OR6C75: variants seen among roughly 807,000 people sequenced by gnomAD.
OR6C75 encodes olfactory receptor family 6 subfamily C member 75.
For synonymous variants in OR6C75, 149 were observed against 130.6 expected (o/e 1.14, Z -0.96); for missense variants, 380 against 368.0 (o/e 1.03, Z -0.27).
rs1191780616 is a variant in OR6C75, at chr12:55,369,022, T to A, written c.*2973T>A. ...TTGCTTTTATTAAGATTACAACAAG[T>A]AAGCAGAAATGCAAAAGTGAAAATC... On this transcript the variant is annotated 3_prime_UTR_variant, in exon 3 of 3. Coordinates refer to ENST00000641576, the MANE Select transcript of OR6C75 (RefSeq NM_001005497.2). 2 of 152,056 alleles carry A rather than the reference T, an allele frequency of 1.3e-5. No individual in the cohort carries two copies. The highest frequency in any genetic ancestry group is 1.5e-5 in the Non-Finnish European group (1 of 67,976). The allele number at this position is 152,056 out of a possible 1,614,324, so 9.4% of individuals were successfully genotyped here.
At position 55,365,834 on chromosome 12, in the gene OR6C75, C is replaced by T; in HGVS notation, c.724C>T (p.His242Tyr). Residue 242 changes from histidine to tyrosine, a missense_variant, in exon 3 of 3, where the codon CAT becomes TAT. Transcript: ENST00000641576. The stretch of plus-strand genomic sequence containing the variant: ...AAAAGCCTTTTCCACTTGCTCCTCC[C>T]ATATGATAGTTGTCTCCATCTCTTA... ...RKKAFSTCSS[H>Y]MIVVSISYSS... 6.2e-7 allele frequency: 1 copy of T among 1,613,694 alleles called. No homozygotes were observed. Among genetic ancestry groups the T allele is most frequent in the East Asian group, 2.2e-5 (1 of 44,866 alleles).
Position 55,366,106 on chromosome 12 carries a change from C to A in OR6C75, c.*57C>A. The A allele has an allele frequency of 2.0e-6, 2 of 1,004,634 alleles. No homozygotes were observed. Among genetic ancestry groups the A allele is most frequent in the Non-Finnish European group, 2.9e-6 (2 of 685,070 alleles). The allele number at this position is 1,004,634 out of a possible 1,614,324, so 62.2% of individuals were successfully genotyped here. ...GCAAAGCTGAATGAAAAACTCTCTACCCTTCTCTACATGAACTCTTTCTAA... is the reference window on the plus strand; with the variant it reads ...GCAAAGCTGAATGAAAAACTCTCTAACCTTCTCTACATGAACTCTTTCTAA... On this transcript the variant is annotated 3_prime_UTR_variant, in exon 3 of 3. Coordinates refer to ENST00000641576, the MANE Select transcript of OR6C75 (RefSeq NM_001005497.2).
In OR6C75 at chr12:55,365,570, A is replaced by T. The variant is rs1190667507; in HGVS notation, c.460A>T (p.Ile154Phe). Reference protein sequence around the residue: ...FSSWLAGFLIIFPPVMLLLQL... With the variant: ...FSSWLAGFLIFFPPVMLLLQL... ...CTCCTGGCTTGCAGGGTTTCTGATC[A>T]TCTTTCCACCAGTAATGCTTCTGCT... The change falls in exon 3 of 3, where the codon ATC (isoleucine) becomes TTC (phenylalanine). Residue 154 changes from isoleucine to phenylalanine, a missense_variant. Ile to Phe is a conservative substitution (Grantham distance 21). Coordinates refer to ENST00000641576, the MANE Select transcript of OR6C75 (RefSeq NM_001005497.2). 6.2e-7 allele frequency: 1 copy of T among 1,613,880 alleles called. No homozygotes were observed. Among genetic ancestry groups the T allele is most frequent in the Non-Finnish European group, 8.5e-7 (1 of 1,180,006 alleles).
At position 55,365,528 on chromosome 12, in the gene OR6C75, AC is replaced by A; in HGVS notation, c.421del (p.Leu141PhefsTer12). ...YTIIMSTRVC[T>X]LLVFSSWLAG... ...AATCATCATGAGCACCAGAGTGTGT[AC>A]CCTTCTTGTCTTTAGCTCCTGGCTT... On this transcript the variant is annotated frameshift_variant, in exon 3 of 3. Transcript: ENST00000641576. LOFTEE classifies it low-confidence loss of function (END_TRUNC). 6.2e-7 allele frequency: 1 copy of A among 1,613,896 alleles called. No individual in the cohort carries two copies. Among genetic ancestry groups the A allele is most frequent in the South Asian group, 1.1e-5 (1 of 91,064 alleles).
rs1295841082 is a variant in OR6C75, at chr12:55,365,130, T to C, written c.20T>C (p.Val7Ala). 6.2e-7 allele frequency: 1 copy of C among 1,610,988 alleles called. No homozygotes were observed. MRNSTA[V>A]TDFILLGLTS... ...AAAATAATGAGAAATTCCACAGCAG[T>C]AACAGACTTTATTCTTCTTGGATTG... The change falls in exon 3 of 3, where the codon GTA (valine) becomes GCA (alanine). Residue 7 changes from valine (V) to alanine (A), a missense_variant. Transcript: ENST00000641576.
chr12:55,364,342 T>TTTTTTTTTTTTTTGA (rs1869741119), intron 2 of OR6C75, among the ~76,000 whole-genome samples: 1 of 115,304 alleles, frequency 8.7e-6, no homozygotes, highest in Non-Finnish European at 1.7e-5. Flanking sequence ...TTTTTTTTTT[T>TTTTTTTTTTTTTTGA]GACACGGAAT....
At chr12:55,363,538 CTCAG>C (rs1869717404) in intron 1 of OR6C75, among the ~76,000 whole-genome samples, 1 of 151,888 alleles carries the variant, frequency 6.6e-6, no homozygotes, top group African/African-American at 2.4e-5. Context: ...GTCTTTACAA[CTCAG>C]TCAATTATAA....
chr12:55,363,822 G>A lies in OR6C75; in HGVS notation c.-296G>A, dbSNP rs1228059045. On this transcript the variant is annotated 5_prime_UTR_variant, in exon 2 of 3. Coordinates refer to ENST00000641576, the MANE Select transcript of OR6C75 (RefSeq NM_001005497.2). ...TATACTGAAACATTTAGAAGACAGA[G>A]ATGTATTCTGAAATATATAAAAATA... The A allele has an allele frequency of 1.3e-5, 2 of 151,894 alleles. 1 individual carries two copies. Among genetic ancestry groups the A allele is most frequent in the Non-Finnish European group, 2.9e-5 (2 of 67,990 alleles). The allele number at this position is 151,894 out of a possible 1,614,324, so 9.4% of individuals were successfully genotyped here.
rs1394413680 is a variant in OR6C75 at position 55,363,870 on chromosome 12, A to G, written c.-248A>G. On this transcript the variant is annotated 5_prime_UTR_variant, in exon 2 of 3. The change abolishes the stop of an existing upstream ORF in the 5' untranslated region. Coordinates refer to ENST00000641576, the MANE Select transcript of OR6C75 (RefSeq NM_001005497.2). ...ATATAATGAAGGAAATACAGAAATA[A>G]TTGATTTATAAGGTAACAACAGAAT... 6.6e-6 allele frequency: 1 copy of G among 152,124 alleles called. No homozygotes were observed. Among genetic ancestry groups the G allele is most frequent in the African/African-American group, 2.4e-5 (1 of 41,454 alleles). 9.4% of individuals were successfully genotyped at this position (152,124 alleles called of 1,614,324 possible).
chr12:55,364,389 G>A lies in OR6C75; in HGVS notation c.-235-487G>A, dbSNP rs1199735215. Reference sequence around the variant, plus strand: ...CGCCCAGGCTGGAGTGCAATGGTGCGATCTCAGCTCACTGCAACCTCCACC... The same window carrying A: ...CGCCCAGGCTGGAGTGCAATGGTGCAATCTCAGCTCACTGCAACCTCCACC... On this transcript the variant is annotated intron_variant, in intron 2 of 2. Transcript: ENST00000641576. 1.7e-4 allele frequency among the ~76,000 whole-genome samples: 19 copies of A among 113,416 alleles called. No individual in the cohort carries two copies. In the South Asian group the frequency reaches 5.6e-3, roughly 33 times the overall value. The allele number at this position is 113,416 out of a possible 152,430, so 74.4% of individuals were successfully genotyped here. A position where few individuals can be genotyped will look rare whatever the true frequency, so the allele number is the denominator to read the frequency against.
At position 55,365,153 on chromosome 12, in the gene OR6C75, T is replaced by C. The variant is rs761289683; in HGVS notation, c.43T>C (p.Leu15=). The C allele has an allele frequency of 3.7e-6, 6 of 1,612,962 alleles. No individual in the cohort carries two copies. The highest frequency in any genetic ancestry group is 8.5e-7 in the Non-Finnish European group (1 of 1,179,662). Residue 15 remains leucine, a synonymous_variant, in exon 3 of 3, where the codon TTG becomes CTG. Coordinates refer to ENST00000641576, the MANE Select transcript of OR6C75 (RefSeq NM_001005497.2). The part of the protein sequence containing the change: ...TAVTDFILLG[L]TSDPQWQVVL... Reference sequence around the variant, plus strand: ...AGTAACAGACTTTATTCTTCTTGGATTGACAAGTGACCCACAGTGGCAGGT... The same window carrying C: ...AGTAACAGACTTTATTCTTCTTGGACTGACAAGTGACCCACAGTGGCAGGT...
At position 55,365,610 on chromosome 12, in the gene OR6C75, GT is replaced by G. The variant is rs1869779675; in HGVS notation, c.501del (p.Cys167TrpfsTer5). 1.2e-6 allele frequency: 2 copies of G among 1,613,836 alleles called. No individual in the cohort carries two copies. Among genetic ancestry groups the G allele is most frequent in the Non-Finnish European group, 1.7e-6 (2 of 1,180,010 alleles). Reference sequence around the variant, plus strand: ...ATGCTTCTGCTGCAGTTGGATTTCTGTGCCTCCAATGTAATTGATCATTTTA... The same window carrying G: ...ATGCTTCTGCTGCAGTTGGATTTCTGGCCTCCAATGTAATTGATCATTTTA... ...PVMLLLQLDF[C>X]ASNVIDHFIC... is the part of the protein sequence containing the mutation. On this transcript the variant is annotated frameshift_variant, in exon 3 of 3. Transcript: ENST00000641576. LOFTEE classifies it low-confidence loss of function (END_TRUNC).
Position 55,369,209 on chromosome 12 carries a change from TC to T in OR6C75, c.*3162del, listed in dbSNP as rs1234147911. On this transcript the variant is annotated 3_prime_UTR_variant, in exon 3 of 3. Transcript: ENST00000641576. ...AGTAAGGGAAAGTAAATTTTCTTAA[TC>T]CACAAAAACTTATCTGAAGAAGTTG... 1 of 151,816 alleles carries T rather than the reference TC, an allele frequency of 6.6e-6. No individual in the cohort carries two copies. The highest frequency in any genetic ancestry group is 1.5e-5 in the Non-Finnish European group (1 of 67,856). 9.4% of individuals were successfully genotyped at this position (151,816 alleles called of 1,614,324 possible). A position where few individuals can be genotyped will look rare whatever the true frequency, so the allele number is the denominator to read the frequency against.
chr12:55,364,895 G>A lies in OR6C75; in HGVS notation c.-216G>A. 1 of 543,306 alleles carries A rather than the reference G, an allele frequency of 1.8e-6. No individual in the cohort carries two copies. The highest frequency in any genetic ancestry group is 3.1e-5 in the East Asian group (1 of 32,134). 33.7% of individuals were successfully genotyped at this position (543,306 alleles called of 1,614,324 possible). On this transcript the variant is annotated 5_prime_UTR_variant, in exon 3 of 3. Transcript: ENST00000641576. ...AAATAGATAGATGCATCAGCGGATA[G>A]CTAGACACAATGGAATGTTATCCAG...
At chr12:55,364,666 T>C (rs999356390) in intron 2 of OR6C75, among the ~76,000 whole-genome samples, 1 of 152,144 alleles carries the variant, frequency 6.6e-6, no homozygotes, top group African/African-American at 2.4e-5. Flanking sequence ...GTATATAACA[T>C]AATCTTTCTA....
At position 55,366,180 on chromosome 12, in the gene OR6C75, C is replaced by G. The variant is rs1039305124; in HGVS notation, c.*131C>G. 1.0e-5 allele frequency: 6 copies of G among 589,936 alleles called. No homozygotes were observed. Among genetic ancestry groups the G allele is most frequent in the Non-Finnish European group, 1.7e-5 (6 of 346,552 alleles). The allele number at this position is 589,936 out of a possible 1,614,324, so 36.5% of individuals were successfully genotyped here. A position where few individuals can be genotyped will look rare whatever the true frequency, so the allele number is the denominator to read the frequency against. On this transcript the variant is annotated 3_prime_UTR_variant, in exon 3 of 3. Coordinates refer to ENST00000641576, the MANE Select transcript of OR6C75 (RefSeq NM_001005497.2). ...TAGACATAGTTACATATCATCAACA[C>G]TTCTTAATGAAATTAGCCTAAAAAC...
rs1048952003 is a variant in OR6C75, at chr12:55,363,166, A to G, written c.-326+117A>G. The G allele has an allele frequency of 1.6e-4, 25 of 152,236 alleles. No individual in the cohort carries two copies. The Middle Eastern group carries it at 0.01, about 62-fold the overall frequency. 9.4% of individuals were successfully genotyped at this position (152,236 alleles called of 1,614,324 possible). A position where few individuals can be genotyped will look rare whatever the true frequency, so the allele number is the denominator to read the frequency against. The stretch of plus-strand genomic sequence containing the variant: ...GAAGCTCTTGAAATTGTTCTTTATT[A>G]TCAATATTTTGGATATTTTGTTACA... On this transcript the variant is annotated intron_variant, in intron 1 of 2. Transcript: ENST00000641576.
Position 55,367,597 on chromosome 12 carries a change from A to G in OR6C75, c.*1548A>G, listed in dbSNP as rs984988438. 2.0e-5 allele frequency: 3 copies of G among 152,186 alleles called. No individual in the cohort carries two copies. The highest frequency in any genetic ancestry group is 7.2e-5 in the African/African-American group (3 of 41,446). 9.4% of individuals were successfully genotyped at this position (152,186 alleles called of 1,614,324 possible). ...TCTTCCTGAGAACTGGAACAAGACAAGGATGTCCCCTCTCAGCACTCCTAT... is the reference window on the plus strand; with the variant it reads ...TCTTCCTGAGAACTGGAACAAGACAGGGATGTCCCCTCTCAGCACTCCTAT... On this transcript the variant is annotated 3_prime_UTR_variant, in exon 3 of 3. Transcript: ENST00000641576.
At position 55,368,137 on chromosome 12, in the gene OR6C75, AC is replaced by A. The variant is rs1201914078; in HGVS notation, c.*2089del. On this transcript the variant is annotated 3_prime_UTR_variant, in exon 3 of 3. Transcript: ENST00000641576. ...GGCTGCAGTGAGCTCTCATCATGCC[AC>A]TGCACTCCACCCTGGACAACAGAGT... The A allele has an allele frequency of 2.0e-5, 3 of 152,188 alleles. No individual in the cohort carries two copies. The highest frequency in any genetic ancestry group is 7.2e-5 in the African/African-American group (3 of 41,412). 9.4% of individuals were successfully genotyped at this position (152,188 alleles called of 1,614,324 possible). A position where few individuals can be genotyped will look rare whatever the true frequency, so the allele number is the denominator to read the frequency against.
Sources: allele counts gnomAD v4.1 joint callset (sites outside exome capture counted in the v4.1 genomes callset), GRCh38; gene constraint gnomAD v4.1.1; transcripts MANE v1.5; gene names NCBI Gene and HGNC (gene_info 2026-07-23, HGNC 2026-07-21).